The following PAX5 variants were observed in gnomAD, a reference collection of about 807,000 sequenced individuals.
PAX5 encodes paired box protein Pax-5.
A neutral mutation model predicts 43.7 loss-of-function variants in PAX5; 9 were observed. That is an observed-to-expected ratio of 0.21 (90% CI 0.12 to 0.36). PAX5 has a LOEUF of 0.36. Ranked by LOEUF, PAX5 falls within the 10% of genes least tolerant of loss-of-function variation. The pLI, the probability that PAX5 is intolerant of heterozygous loss-of-function variation, is 1.00. For synonymous variants in PAX5, 228 were observed against 214.3 expected, an observed-to-expected ratio of 1.06 and a Z score of -0.56; for missense variants, 383 against 532.7, an observed-to-expected ratio of 0.72 and a Z score of 2.77.
intron 5 of PAX5, among the ~76,000 whole-genome samples, chr9:36,994,340 C>G (rs989605290): frequency 6.6e-6 from 1 of 152,222 alleles, no homozygotes; most frequent in Non-Finnish European, 1.5e-5. Context: ...TGGGCCAAGC[C>G]TGCGCCCTCT....
chr9:36,982,788 T>C (rs1311266640), intron 5 of PAX5, among the ~76,000 whole-genome samples: 3 of 152,270 alleles, frequency 2.0e-5, no homozygotes, highest in African/African-American at 7.2e-5. Flanking sequence ...TGTCTCCGGG[T>C]CAGGTTTTGC....
chr9:36,966,138 T>C (rs1834408863), intron 6 of PAX5, among the ~76,000 whole-genome samples: 1 of 152,230 alleles, frequency 6.6e-6, no homozygotes, highest in Non-Finnish European at 1.5e-5. Flanking sequence ...CGTCATTCCA[T>C]TGTTCACGGC....
chr9:36,999,236 C>T (rs7030665), intron 5 of PAX5, among the ~76,000 whole-genome samples: 1 of 152,076 alleles, frequency 6.6e-6, no homozygotes, highest in East Asian at 1.9e-4. Flanking sequence ...ACCAGAGTCC[C>T]AGACTTGGCA....
intron 4 of PAX5, among the ~76,000 whole-genome samples, chr9:37,003,575 C>G (rs529539239): frequency 6.6e-6 from 1 of 152,162 alleles, no homozygotes; most frequent in Admixed American, 6.5e-5. Context: ...CCGGGGCTCA[C>G]GCCTGTAATC....
At chr9:36,841,967 G>C (rs1277397773) in intron 9 of PAX5, among the ~76,000 whole-genome samples, 3 of 152,106 alleles carry the variant, frequency 2.0e-5, no homozygotes, top group Non-Finnish European at 2.9e-5. Flanking sequence ...GCCAGAGTAG[G>C]GGTGACACTT....
chr9:36,901,352 G>T (rs1255560836), intron 7 of PAX5, among the ~76,000 whole-genome samples: 1 of 152,074 alleles, frequency 6.6e-6, no homozygotes, highest in East Asian at 1.9e-4. Context: ...GTGTGCTCAA[G>T]TGTCACCTCC....
chr9:36,955,812 C>T (rs1395984384), intron 6 of PAX5, among the ~76,000 whole-genome samples: 1 of 149,512 alleles, frequency 6.7e-6, no homozygotes, highest in East Asian at 1.9e-4. Context: ...TACCCACACA[C>T]ACATATATAT....
intron 9 of PAX5, among the ~76,000 whole-genome samples, chr9:36,841,560 C>T (rs1374891843): frequency 1.3e-5 from 2 of 152,248 alleles, no homozygotes; most frequent in African/African-American, 2.4e-5. Flanking sequence ...GCACTTCCCC[C>T]ATCCCCAGAT....
At chr9:36,909,326 C>A (rs995176829) in intron 7 of PAX5, among the ~76,000 whole-genome samples, 1 of 152,202 alleles carries the variant, frequency 6.6e-6, no homozygotes, top group Non-Finnish European at 1.5e-5. Context: ...CTGGAGAGAG[C>A]GGATGTCATT....
At chr9:37,027,378 C>T (rs142110368) in intron 1 of PAX5, among the ~76,000 whole-genome samples, 126 of 152,386 alleles carry the variant, frequency 8.3e-4, no homozygotes, top group African/African-American at 2.9e-3. Context: ...GCGACGGACT[C>T]TTCCTCGCCG....
chr9:36,967,186 C>G (rs1834518853), intron 5 of PAX5, among the ~76,000 whole-genome samples: 1 of 152,146 alleles, frequency 6.6e-6, no homozygotes, highest in East Asian at 1.9e-4. Flanking sequence ...CATTTGCTAC[C>G]ACATCATGTG....
chr9:36,905,613 T>C (rs188823075), intron 7 of PAX5, among the ~76,000 whole-genome samples: 3 of 152,080 alleles, frequency 2.0e-5, no homozygotes, highest in East Asian at 1.9e-4. Flanking sequence ...AGTTGAAAGA[T>C]GGCAAAAAGA....
At chr9:36,896,438 G>T (rs1446174831) in intron 7 of PAX5, among the ~76,000 whole-genome samples, 3 of 151,990 alleles carry the variant, frequency 2.0e-5, no homozygotes, top group African/African-American at 7.2e-5. Flanking sequence ...CAGGTGCACT[G>T]CTCGCCAAGG....
intron 5 of PAX5, among the ~76,000 whole-genome samples, chr9:36,969,127 T>C (rs896477777): frequency 1.3e-5 from 2 of 152,196 alleles, no homozygotes; most frequent in African/African-American, 4.8e-5. Context: ...GCTTCAGTTA[T>C]ACTTCCCAGC....
At chr9:36,949,130 C>G (rs1832791797) in intron 6 of PAX5, among the ~76,000 whole-genome samples, 1 of 152,144 alleles carries the variant, frequency 6.6e-6, no homozygotes, top group Admixed American at 6.5e-5. Flanking sequence ...GGCACAATCT[C>G]GGCTCACTGC....
At chr9:36,962,522 T>G (rs548513590) in intron 6 of PAX5, among the ~76,000 whole-genome samples, 157 of 152,336 alleles carry the variant, frequency 1.0e-3, no homozygotes, top group Non-Finnish European at 1.7e-3. Context: ...GTGAACGGTC[T>G]TTGTGAACTG....
intron 7 of PAX5, among the ~76,000 whole-genome samples, chr9:36,906,762 G>A (rs574234280): frequency 2.0e-5 from 3 of 152,268 alleles, no homozygotes; most frequent in Non-Finnish European, 2.9e-5. Flanking sequence ...TTGTTTTCCC[G>A]AGCTCCAGAT....
intron 7 of PAX5, among the ~76,000 whole-genome samples, chr9:36,894,079 A>G (rs1174050725): frequency 6.6e-6 from 1 of 151,698 alleles, no homozygotes; most frequent in Non-Finnish European, 1.5e-5. Flanking sequence ...CCACGCCCCC[A>G]CTCCTGGTTT....
chr9:37,026,731 C>T (rs1840420326), intron 1 of PAX5: 1 of 985,316 alleles, frequency 1.0e-6, no homozygotes, highest in Non-Finnish European at 1.2e-6. Context: ...CAGAGCCTCC[C>T]TGCTGGAGAC....
Sources: allele counts gnomAD v4.1 joint callset (sites outside exome capture counted in the v4.1 genomes callset), GRCh38; gene constraint gnomAD v4.1.1; transcripts MANE v1.5; gene names NCBI Gene and HGNC (gene_info 2026-07-23, HGNC 2026-07-21).